Variants in OGFOD3 observed in about 807,000 individuals in gnomAD.
OGFOD3 encodes the protein 2-oxoglutarate and iron-dependent oxygenase domain-containing protein 3.
OGFOD3 carries 35 observed loss-of-function variants against 39.8 expected under a neutral mutation model. That is an observed-to-expected ratio of 0.88 (90% confidence interval 0.67 to 1.17). The LOEUF (loss-of-function observed/expected upper bound fraction) is 1.17, where lower values mean the gene tolerates loss of function less well. Among genes scored for constraint, OGFOD3 ranks in the 50% most tolerant of loss-of-function variants. The pLI is 0.00. For synonymous variants in OGFOD3, 200 were observed against 192.0 expected (o/e 1.04, Z -0.34); for missense variants, 438 against 454.5 (o/e 0.96, Z 0.33).
intron 3 of OGFOD3, among the ~76,000 whole-genome samples, chr17:82,410,656 GTCTCC>G (rs535583526): frequency 6.7e-4 from 102 of 151,490 alleles, no homozygotes; most frequent in African/African-American, 2.2e-3. Flanking sequence ...GAGGGCCATG[GTCTCC>G]TCTCCTGAAA....
At chr17:82,414,147 G>T (rs910073078) in intron 2 of OGFOD3, among the ~76,000 whole-genome samples, 1 of 151,882 alleles carries the variant, frequency 6.6e-6, no homozygotes, top group Non-Finnish European at 1.5e-5. Flanking sequence ...TTTGGCGGGG[G>T]GTCAGGATCT....
At position 82,404,058 on chromosome 17, in the gene OGFOD3, G is replaced by A; in HGVS notation, c.578C>T (p.Ala193Val). Residue 193 changes from alanine (A) to valine (V), a missense_variant, in exon 7 of 9, where the codon GCT becomes GTT. By Grantham distance (64) the Ala-to-Val change is moderately conservative. Coordinates refer to ENST00000313056, the MANE Select transcript of OGFOD3 (RefSeq NM_024648.3). This position sits in a 1 kb window ranked among gnomAD's most constrained non-coding sequence, Gnocchi z 4.5. Reference protein sequence around the residue: ...EVRQKVQLTIAEAFGISASSL... With the variant: ...EVRQKVQLTIVEAFGISASSL... ...GGATGCGCTGATGCCAAAAGCCTCAGCAATGGTGAGCTGGACCTTCTGCCG... is the reference window on the plus strand; with the variant it reads ...GGATGCGCTGATGCCAAAAGCCTCAACAATGGTGAGCTGGACCTTCTGCCG... 6.2e-7 allele frequency: 1 copy of A among 1,607,096 alleles called. No homozygotes were observed.
rs79956747 is a variant in OGFOD3, at chr17:82,401,803, C to CAAAAAAAAAAAAAAAAAAAAAAAAAAAAA, written c.699+2133_699+2134insTTTTTTTTTTTTTTTTTTTTTTTTTTTTT. ...TGGGTGGCAGAGCAAGACTCCATCTCAAAAAAAAAAAAAAAAAAAACAAAG... is the reference window on the plus strand; with the variant it reads ...TGGGTGGCAGAGCAAGACTCCATCTCAAAAAAAAAAAAAAAAAAAAAAAAAAAAAAAAAAAAAAAAAAAAAAAAACAAAG... On this transcript the variant is annotated intron_variant, in intron 7 of 8. Transcript: ENST00000313056. Among the ~76,000 whole-genome samples, 68 of 61,680 alleles carry CAAAAAAAAAAAAAAAAAAAAAAAAAAAAA rather than the reference C, an allele frequency of 1.1e-3. 1 individual carries two copies. The highest frequency in any genetic ancestry group is 5.4e-3 in the South Asian group (7 of 1,286). 40.5% of individuals were successfully genotyped at this position (61,680 alleles called of 152,430 possible). A position where few individuals can be genotyped will look rare whatever the true frequency, so the allele number is the denominator to read the frequency against.
At chr17:82,403,837 C>T (rs2052806072) in intron 7 of OGFOD3, 100 bp downstream of exon 7, 1 of 1,481,300 alleles carries the variant, frequency 6.8e-7, no homozygotes, top group Non-Finnish European at 9.1e-7. Context: ...CTCACCTTGT[C>T]CACGAGCGCG....
In OGFOD3 at chr17:82,389,793, T is replaced by C. The variant is rs2143157559; in HGVS notation, c.*2605A>G. 6.6e-6 allele frequency: 1 copy of C among 152,330 alleles called. No homozygotes were observed. The highest frequency in any genetic ancestry group is 1.9e-4 in the East Asian group (1 of 5,186). 9.4% of individuals were successfully genotyped at this position (152,330 alleles called of 1,614,324 possible). A position where few individuals can be genotyped will look rare whatever the true frequency, so the allele number is the denominator to read the frequency against. On this transcript the variant is annotated 3_prime_UTR_variant, in exon 9 of 9. Transcript: ENST00000313056. This position sits in a 1 kb window ranked among gnomAD's most constrained non-coding sequence, Gnocchi z 4.6. The stretch of plus-strand genomic sequence containing the variant: ...GTGCTGGGATTACCAGCATGAGCCA[T>C]ATGTTCCCACTTCAGAAGGAAATTC...
chr17:82,392,429 T>A lies in OGFOD3; in HGVS notation c.929A>T (p.Asp310Val). ...GAACGCTGGGTCCTCGATGCCATGGTCGGGGTTGCAGCTGAAGGCGATGGT... is the reference window on the plus strand; with the variant it reads ...GAACGCTGGGTCCTCGATGCCATGGACGGGGTTGCAGCTGAAGGCGATGGT... ...AITIAFSCNP[D>V]HGIEDPAFP is the part of the protein sequence containing the mutation. Residue 310 changes from aspartate (D) to valine (V), a missense_variant, in exon 9 of 9, where the codon GAC becomes GTC. By Grantham distance (152) the Asp-to-Val change is radical. Transcript: ENST00000313056. This position sits in a 1 kb window ranked among gnomAD's most constrained non-coding sequence, Gnocchi z 4.2. 1.2e-6 allele frequency: 2 copies of A among 1,612,546 alleles called. No individual in the cohort carries two copies. Among genetic ancestry groups the A allele is most frequent in the South Asian group, 2.2e-5 (2 of 90,660 alleles).
Position 82,404,255 on chromosome 17 carries a change from C to A in OGFOD3, c.546-165G>T, listed in dbSNP as rs1377261454. Among the ~76,000 whole-genome samples, 1 of 152,166 alleles carries A rather than the reference C, an allele frequency of 6.6e-6. No homozygotes were observed. Among genetic ancestry groups the A allele is most frequent in the Non-Finnish European group, 1.5e-5 (1 of 68,034 alleles). On this transcript the variant is annotated intron_variant, in intron 6 of 8. Coordinates refer to ENST00000313056, the MANE Select transcript of OGFOD3 (RefSeq NM_024648.3). This position sits in a 1 kb window ranked among gnomAD's most constrained non-coding sequence, Gnocchi z 4.5. ...AACAGATACCGGCTCCGCCTGGGAACGACGCGGCCCACAGCCCACGCACAG... is the reference window on the plus strand; with the variant it reads ...AACAGATACCGGCTCCGCCTGGGAAAGACGCGGCCCACAGCCCACGCACAG...
intron 1 of OGFOD3, 184 bp downstream of exon 1, chr17:82,418,228 G>T (rs1001335539): frequency 2.7e-5 from 10 of 375,300 alleles, no homozygotes; most frequent in East Asian, 4.4e-5. Flanking sequence ...GCTCCCGCCC[G>T]CACCTGCCCT....
intron 8 of OGFOD3, chr17:82,393,748 C>CACTCTCTGCTCTCT (rs1175674898): frequency 6.6e-6 from 1 of 152,266 alleles, no homozygotes; most frequent in Non-Finnish European, 1.5e-5. Flanking sequence ...TGCTCGTCCA[C>CACTCTCTGCTCTCT]ACTCTCTGCT....
intron 4 of OGFOD3, among the ~76,000 whole-genome samples, chr17:82,409,010 T>C (rs2052900277): frequency 6.6e-6 from 1 of 152,148 alleles, no homozygotes; most frequent in Non-Finnish European, 1.5e-5. Flanking sequence ...CTCCACGGGC[T>C]CTCCTGTGTC....
intron 7 of OGFOD3, among the ~76,000 whole-genome samples, chr17:82,402,490 T>C (rs145725582): frequency 9.6e-4 from 146 of 151,462 alleles, no homozygotes; most frequent in Middle Eastern, 3.5e-3. Flanking sequence ...CTCACGCTTG[T>C]AATCCCAGCA....
Position 82,415,705 on chromosome 17 carries a change from T to A in OGFOD3, c.75-78A>T. The A allele has an allele frequency of 7.7e-7, 1 of 1,294,728 alleles. No individual in the cohort carries two copies. Among genetic ancestry groups the A allele is most frequent in the Non-Finnish European group, 1.1e-6 (1 of 940,320 alleles). 80.2% of individuals were successfully genotyped at this position (1,294,728 alleles called of 1,614,324 possible). On this transcript the variant is annotated intron_variant, in intron 1 of 8. Coordinates refer to ENST00000313056, the MANE Select transcript of OGFOD3 (RefSeq NM_024648.3). This position sits in a 1 kb window ranked among gnomAD's most constrained non-coding sequence, Gnocchi z 5.3. ...AACGCTCCCCGATCATCAAAGTGCA[T>A]GCACCATGACCCGGCCTTCACTCAC...
rs756268872 is a variant in OGFOD3 at position 82,392,362 on chromosome 17, C to T, written c.*36G>A. ...CACGACTGGCGCGGCTGCCTCCACA[C>T]GGGCCCTCCTGAAGTTACCTTGGCC... On this transcript the variant is annotated 3_prime_UTR_variant, in exon 9 of 9. Coordinates refer to ENST00000313056, the MANE Select transcript of OGFOD3 (RefSeq NM_024648.3). This position sits in a 1 kb window ranked among gnomAD's most constrained non-coding sequence, Gnocchi z 4.2. 2.1e-5 allele frequency: 33 copies of T among 1,596,166 alleles called. No individual in the cohort carries two copies. The East Asian group carries it at 5.9e-4, about 28-fold the overall frequency.
chr17:82,404,018 G>C lies in OGFOD3; in HGVS notation c.618C>G (p.Thr206=), dbSNP rs2052811674. The part of the protein sequence containing the change: ...FGISASSLHL[T]KPTFFSRINS... ...TTATGCGGGAGAAGAAGGTGGGCTT[G>C]GTCAGATGCAGCGAGGATGCGCTGA... The change falls in exon 7 of 9, where the codon ACC becomes ACG. Residue 206 remains threonine, a synonymous_variant. Coordinates refer to ENST00000313056, the MANE Select transcript of OGFOD3 (RefSeq NM_024648.3). This position sits in a 1 kb window ranked among gnomAD's most constrained non-coding sequence, Gnocchi z 4.5. 6.2e-7 allele frequency: 1 copy of C among 1,611,198 alleles called. No individual in the cohort carries two copies. Among genetic ancestry groups the C allele is most frequent in the South Asian group, 1.1e-5 (1 of 90,414 alleles).
In OGFOD3 at chr17:82,404,737, TTTTC is replaced by T. The variant is rs1422815407; in HGVS notation, c.545+583_545+586del. Among the ~76,000 whole-genome samples the T allele has an allele frequency of 1.3e-5, 2 of 149,770 alleles. No individual in the cohort carries two copies. Among genetic ancestry groups the T allele is most frequent in the Non-Finnish European group, 3.0e-5 (2 of 67,608 alleles). ...TCCTCCAGCAGAATTTTTTCTTTTCTTTTCTTTTTTTTTTTTTTTTTTGAGATGA... is the reference window on the plus strand; with the variant it reads ...TCCTCCAGCAGAATTTTTTCTTTTCTTTTTTTTTTTTTTTTTTTGAGATGA... On this transcript the variant is annotated intron_variant, in intron 6 of 8. Transcript: ENST00000313056. This position sits in a 1 kb window ranked among gnomAD's most constrained non-coding sequence, Gnocchi z 4.5.
chr17:82,410,926 C>G (rs2052931955), intron 3 of OGFOD3, among the ~76,000 whole-genome samples: 1 of 151,712 alleles, frequency 6.6e-6, no homozygotes, highest in Non-Finnish European at 1.5e-5. Flanking sequence ...CACCATGTTG[C>G]CCAGGCTGGT....
At chr17:82,418,128 G>T (rs1478168705) in intron 1 of OGFOD3, among the ~76,000 whole-genome samples, 1 of 152,232 alleles carries the variant, frequency 6.6e-6, no homozygotes, top group East Asian at 1.9e-4. Context: ...TCCCGGAGCA[G>T]CAGCAGCAGC....
chr17:82,409,695 G>C (rs2052914125), intron 3 of OGFOD3, among the ~76,000 whole-genome samples: 1 of 152,188 alleles, frequency 6.6e-6, no homozygotes, highest in African/African-American at 2.4e-5. Flanking sequence ...AGGAGTTCCA[G>C]ACCAGCCTGG....
intron 3 of OGFOD3, among the ~76,000 whole-genome samples, chr17:82,410,710 C>CT (rs71168106): frequency 0.014 from 1,323 of 91,746 alleles, 90 homozygotes; most frequent in Middle Eastern, 0.029. Flanking sequence ...GCACATAATT[C>CT]TTTTTTTTTT....
Sources: allele counts gnomAD v4.1 joint callset (sites outside exome capture counted in the v4.1 genomes callset), GRCh38; gene constraint gnomAD v4.1.1; non-coding constraint Gnocchi (gnomAD v3.1); transcripts MANE v1.5; gene names NCBI Gene and HGNC (gene_info 2026-07-23, HGNC 2026-07-21).